The following SOX6 variants were observed in gnomAD, a reference collection of about 807,000 sequenced individuals.
SOX6 encodes the protein SRY-box transcription factor 6, also known as transcription factor SOX-6.
Under a neutral mutation model 97.8 loss-of-function variants are expected in SOX6, and 11 were observed. The ratio of observed to expected loss-of-function variants is 0.11; its 90% CI spans 0.07 to 0.19. The LOEUF (loss-of-function observed/expected upper bound fraction) is 0.19, where lower values mean the gene tolerates loss of function less well. Ranked by LOEUF, SOX6 falls within the 10% of genes least tolerant of loss-of-function variation. SOX6 has a pLI of 1.00. For synonymous variants in SOX6, 360 were observed against 371.4 expected, an observed-to-expected ratio of 0.97 and a Z score of 0.35; for missense variants, 810 against 1,039.5, an observed-to-expected ratio of 0.78 and a Z score of 3.04.
chr11:16,011,712 T>A (rs1854731763), intron 13 of SOX6, among the ~76,000 whole-genome samples: 2 of 152,012 alleles, frequency 1.3e-5, no homozygotes, highest in Non-Finnish European at 2.9e-5. Flanking sequence ...CTGGCTTACT[T>A]TAGTCACTTC....
At chr11:16,292,531 T>G (rs1211801410) in intron 3 of SOX6, among the ~76,000 whole-genome samples, 2 of 152,126 alleles carry the variant, frequency 1.3e-5, no homozygotes, top group African/African-American at 2.4e-5. Flanking sequence ...AGTGGTCAAC[T>G]AGACCTTTGT....
At chr11:16,357,300 T>C (rs1389742094), upstream of SOX6, among the ~76,000 whole-genome samples, 1 of 152,104 alleles carries the variant, frequency 6.6e-6, no homozygotes, top group Non-Finnish European at 1.5e-5. Context: ...GACTGGAAAA[T>C]GTACAGCACA....
At chr11:16,666,938 A>G (rs899662814) in intron 3 of SOX6, among the ~76,000 whole-genome samples, 4 of 152,136 alleles carry the variant, frequency 2.6e-5, no homozygotes, top group African/African-American at 9.7e-5. Flanking sequence ...CAGAAAGTTT[A>G]TTCAAAATAT....
chr11:16,684,567 C>T (rs919025961), intron 3 of SOX6, among the ~76,000 whole-genome samples: 9 of 148,988 alleles, frequency 6.0e-5, no homozygotes, highest in African/African-American at 2.3e-4. Flanking sequence ...ACATCACATA[C>T]CAGGGCCTAT....
chr11:16,055,663 G>T, intron 10 of SOX6, 89 bp downstream of exon 10: 1 of 1,518,608 alleles, frequency 6.6e-7, no homozygotes, highest in Non-Finnish European at 9.1e-7. Flanking sequence ...TATGTTTCCT[G>T]CTGTTTATGC....
intron 4 of SOX6, among the ~76,000 whole-genome samples, 188 bp downstream of exon 4, chr11:16,234,394 G>A (rs1852952777): frequency 6.6e-6 from 1 of 152,076 alleles, no homozygotes; most frequent in South Asian, 2.1e-4. Flanking sequence ...AAAAAGTGGG[G>A]AAATTTTTCA....
intron 1 of SOX6, among the ~76,000 whole-genome samples, chr11:16,390,843 C>A (rs1056809160): frequency 6.6e-6 from 1 of 152,154 alleles, no homozygotes; most frequent in African/African-American, 2.4e-5. Flanking sequence ...CATTACTGGG[C>A]ATATACCCAA....
intron 4 of SOX6, among the ~76,000 whole-genome samples, chr11:16,601,413 T>C (rs1446608496): frequency 1.3e-5 from 2 of 152,166 alleles, no homozygotes; most frequent in South Asian, 4.1e-4. Flanking sequence ...TTGATATATA[T>C]GCATCCCTAA....
chr11:16,218,996 C>A (rs758493784), intron 4 of SOX6, among the ~76,000 whole-genome samples: 3 of 152,050 alleles, frequency 2.0e-5, no homozygotes, highest in Non-Finnish European at 4.4e-5. Context: ...ATTTTCAGAA[C>A]CTTTCAGCAT....
At chr11:16,163,892 C>T (rs1850819246) in intron 6 of SOX6, among the ~76,000 whole-genome samples, 1 of 152,182 alleles carries the variant, frequency 6.6e-6, no homozygotes, top group Non-Finnish European at 1.5e-5. Flanking sequence ...AACCATGGAA[C>T]CAGGGCTAGT....
At chr11:16,039,946 G>C (rs1175019357) in intron 12 of SOX6, among the ~76,000 whole-genome samples, 1 of 151,924 alleles carries the variant, frequency 6.6e-6, no homozygotes, top group Non-Finnish European at 1.5e-5. Flanking sequence ...ATTACATCTA[G>C]AAGAGATTAG....
At chr11:16,504,495 AC>A (rs1401711025) in intron 4 of SOX6, among the ~76,000 whole-genome samples, 1 of 152,156 alleles carries the variant, frequency 6.6e-6, no homozygotes, top group Non-Finnish European at 1.5e-5. Context: ...TACAATAGCT[AC>A]AAAAAAAAAC....
chr11:16,248,574 C>T (rs1853410233), intron 3 of SOX6, among the ~76,000 whole-genome samples: 1 of 152,218 alleles, frequency 6.6e-6, no homozygotes, highest in South Asian at 2.1e-4. Flanking sequence ...GGCCTTGCAC[C>T]CTCTGAAGCA....
intron 1 of SOX6, among the ~76,000 whole-genome samples, chr11:16,365,307 T>TGTG (rs1857327893): frequency 5.7e-5 from 6 of 105,188 alleles, no homozygotes; most frequent in Admixed American, 3.0e-4. Context: ...GTGTGTGTGT[T>TGTG]TGTGTGTGTG....
intron 6 of SOX6, among the ~76,000 whole-genome samples, chr11:16,156,823 G>C (rs967837077): frequency 2.0e-5 from 3 of 151,836 alleles, no homozygotes; most frequent in African/African-American, 7.3e-5. Context: ...TACTCAAAAG[G>C]AGGCCTCTCT....
intron 1 of SOX6, among the ~76,000 whole-genome samples, chr11:16,437,019 G>A (rs1002912721): frequency 4.6e-5 from 7 of 151,920 alleles, no homozygotes; most frequent in African/African-American, 1.7e-4. Flanking sequence ...CACTTTGGGA[G>A]GCCAAGGTGG....
chr11:16,615,453 G>A (rs1848460005), intron 3 of SOX6, among the ~76,000 whole-genome samples: 1 of 152,124 alleles, frequency 6.6e-6, no homozygotes, highest in African/African-American at 2.4e-5. Flanking sequence ...CAAATCCAGT[G>A]ACTACAAAAC....
intron 9 of SOX6, among the ~76,000 whole-genome samples, chr11:16,063,758 G>A (rs1848025491): frequency 6.7e-6 from 1 of 149,390 alleles, no homozygotes. Flanking sequence ...GCACTGGGCT[G>A]GATATTTTAC....
chr11:16,714,352 T>C (rs1848202472), intron 3 of SOX6, among the ~76,000 whole-genome samples: 1 of 152,050 alleles, frequency 6.6e-6, no homozygotes. Flanking sequence ...TGTTCATTGT[T>C]TTTCCCTCAG....
Sources: gnomAD v4.1 joint callset for allele counts (sites outside exome capture counted in the v4.1 genomes callset) on GRCh38, gnomAD v4.1.1 for gene constraint, MANE v1.5 for transcripts, NCBI Gene and HGNC (gene_info 2026-07-23, HGNC 2026-07-21) for gene names.